Variants in TPRG1 observed in about 807,000 individuals in gnomAD.
The protein encoded by TPRG1 is tumor protein p63 regulated 1.
TPRG1 carries 29 observed loss-of-function variants against 29.3 expected under a neutral mutation model. The observed-to-expected ratio is 0.99, with a 90% CI of 0.74 to 1.35. The LOEUF (loss-of-function observed/expected upper bound fraction) is 1.35. Ranked by LOEUF, TPRG1 falls within the 40% of genes most tolerant of loss-of-function variation. The pLI is 0.00. For synonymous variants in TPRG1, 130 were observed against 116.8 expected (o/e 1.11, Z -0.73); for missense variants, 327 against 335.0 (o/e 0.98, Z 0.19).
chr3:189,255,682 T>C (rs542323467), intron 4 of TPRG1, among the ~76,000 whole-genome samples: 53 of 152,328 alleles, frequency 3.5e-4, no homozygotes, highest in African/African-American at 1.3e-3. Flanking sequence ...AAGTCATTAA[T>C]TACTGCCTCA....
In TPRG1 at chr3:189,007,982, G is replaced by A. The variant is rs953152218; in HGVS notation, c.-660+3222G>A. Reference sequence around the variant, plus strand: ...TTAGCGGGTGCAGCGCACCAGCATGGCACATGTATACATATGTAACTAACC... The same window carrying A: ...TTAGCGGGTGCAGCGCACCAGCATGACACATGTATACATATGTAACTAACC... On this transcript the variant is annotated intron_variant, in intron 3 of 10. Coordinates refer to the TPRG1 transcript ENST00000433971. Among the ~76,000 whole-genome samples the A allele has an allele frequency of 1.1e-4, 17 of 149,228 alleles. No homozygotes were observed. The East Asian group carries it at 2.4e-3, about 21-fold the overall frequency.
At chr3:189,023,450 T>C (rs571433561) in intron 3 of TPRG1, among the ~76,000 whole-genome samples, 1 of 152,350 alleles carries the variant, frequency 6.6e-6, no homozygotes, top group African/African-American at 2.4e-5. Context: ...GCATGCTCCT[T>C]TAACTTAGCG....
chr3:189,111,235 T>G (rs904325627), intron 1 of TPRG1, among the ~76,000 whole-genome samples: 1 of 152,038 alleles, frequency 6.6e-6, no homozygotes, highest in Non-Finnish European at 1.5e-5. Context: ...TTTATTTAGG[T>G]CTTCTTTGAT....
In TPRG1 at chr3:189,323,805, C is replaced by T. The variant is rs774421543; in HGVS notation, c.*2985C>T. ...AAGTAGAGTACAAAGCATTTCATAACCAAAATGTCATGGTTGGAGGTCTTC... is the reference window on the plus strand; with the variant it reads ...AAGTAGAGTACAAAGCATTTCATAATCAAAATGTCATGGTTGGAGGTCTTC... On this transcript the variant is annotated 3_prime_UTR_variant, in exon 6 of 6. Transcript: ENST00000345063. 6.6e-6 allele frequency: 1 copy of T among 152,124 alleles called. No individual in the cohort carries two copies. The highest frequency in any genetic ancestry group is 2.4e-5 in the African/African-American group (1 of 41,428). 9.4% of individuals were successfully genotyped at this position (152,124 alleles called of 1,614,324 possible). A position where few individuals can be genotyped will look rare whatever the true frequency, so the allele number is the denominator to read the frequency against.
upstream of TPRG1, among the ~76,000 whole-genome samples, chr3:189,096,579 G>T (rs1207887067): frequency 6.6e-6 from 1 of 152,134 alleles, no homozygotes; most frequent in Non-Finnish European, 1.5e-5. Context: ...GGACTCCTTT[G>T]TGTGCTTTAA....
intron 4 of TPRG1, among the ~76,000 whole-genome samples, chr3:189,086,081 G>A (rs543952465): frequency 1.4e-4 from 21 of 152,250 alleles, no homozygotes; most frequent in African/African-American, 3.9e-4. Flanking sequence ...CAGGGAAGCC[G>A]ACAGTGCAGC....
chr3:189,125,527 G>C (rs1722352916), intron 1 of TPRG1, among the ~76,000 whole-genome samples: 1 of 151,980 alleles, frequency 6.6e-6, no homozygotes, highest in Admixed American at 6.6e-5. Flanking sequence ...CCCCTTTTGA[G>C]GTCCAAAAAG....
At chr3:189,224,251 A>T (rs1421227327) in intron 3 of TPRG1, among the ~76,000 whole-genome samples, 1 of 152,144 alleles carries the variant, frequency 6.6e-6, no homozygotes, top group East Asian at 1.9e-4. Flanking sequence ...GGGAGGCGAA[A>T]GCGGGTGGAT....
intron 4 of TPRG1, among the ~76,000 whole-genome samples, chr3:189,054,772 A>C (rs1052949354): frequency 6.6e-6 from 1 of 152,080 alleles, no homozygotes; most frequent in Non-Finnish European, 1.5e-5. Context: ...AGAGTGAAAC[A>C]CTGTCTCTTA....
intron 4 of TPRG1, among the ~76,000 whole-genome samples, chr3:189,052,059 C>T (rs904861405): frequency 2.0e-5 from 3 of 152,160 alleles, no homozygotes; most frequent in Admixed American, 1.3e-4. Context: ...ACCAAGAACC[C>T]AAAAGCAAAT....
intron 1 of TPRG1, among the ~76,000 whole-genome samples, chr3:189,114,519 G>A (rs1720942834): frequency 6.6e-6 from 1 of 152,144 alleles, no homozygotes. Context: ...CTGACCTCAG[G>A]TGATCTGCCC....
chr3:189,024,110 A>G (rs1368232800), intron 4 of TPRG1, among the ~76,000 whole-genome samples: 1 of 152,258 alleles, frequency 6.6e-6, no homozygotes, highest in East Asian at 1.9e-4. Context: ...ACGTCTAAAC[A>G]GCAAAGGTGG....
chr3:189,287,507 C>T (rs557101816), intron 4 of TPRG1, among the ~76,000 whole-genome samples: 4 of 151,852 alleles, frequency 2.6e-5, no homozygotes, highest in African/African-American at 9.7e-5. Context: ...ATGCCATTCT[C>T]CTGCCTCAGC....
chr3:189,140,307 C>T (rs1018812580), intron 3 of TPRG1, among the ~76,000 whole-genome samples: 1 of 152,184 alleles, frequency 6.6e-6, no homozygotes, highest in Non-Finnish European at 1.5e-5. Flanking sequence ...TGAATCCTGA[C>T]CCCAGCCCTC....
chr3:189,129,746 C>CT (rs1722899677), intron 2 of TPRG1, among the ~76,000 whole-genome samples: 1 of 152,144 alleles, frequency 6.6e-6, no homozygotes, highest in Admixed American at 6.5e-5. Context: ...AAGACTATTG[C>CT]TTTTTTCACT....
rs144897660 is a variant in TPRG1, at chr3:189,204,232, A to G, written c.-9-3144A>G. On this transcript the variant is annotated intron_variant, in intron 1 of 5. Coordinates refer to ENST00000345063, the MANE Select transcript of TPRG1 (RefSeq NM_198485.4). ...GTTTGTTGCAGGGGATGATTGATCT[A>G]TGTGAAAGCAATGGAACATTTGATT... is the stretch of plus-strand genomic sequence containing the variant. Among the ~76,000 whole-genome samples, 322 of 152,290 alleles carry G rather than the reference A, an allele frequency of 2.1e-3. 4 individuals carry two copies. Among genetic ancestry groups the G allele is most frequent in the Admixed American group, 0.015 (226 of 15,282 alleles).
chr3:189,132,587 T>C (rs1723228117), exon 3 of TPRG1: 1 of 152,234 alleles, frequency 6.6e-6, no homozygotes, highest in African/African-American at 2.4e-5. Context: ...GCTTCTGTAC[T>C]TAGCAGCAGT....
chr3:189,126,007 G>A (rs754421719), intron 1 of TPRG1, among the ~76,000 whole-genome samples: 17 of 152,072 alleles, frequency 1.1e-4, no homozygotes, highest in Non-Finnish European at 2.1e-4. Context: ...GTACAAAGTG[G>A]ATTTCTCCCT....
Position 189,242,174 on chromosome 3 carries a change from C to T in TPRG1, c.479+3265C>T, listed in dbSNP as rs190081099. 1.8e-4 allele frequency among the ~76,000 whole-genome samples: 27 copies of T among 152,116 alleles called. No individual in the cohort carries two copies. In the East Asian group the frequency reaches 2.9e-3, roughly 16 times the overall value. ...TATCCAGATGGCAGGCTAGATTTCTCGATATCATATATTTGATATTTTATG... is the reference window on the plus strand; with the variant it reads ...TATCCAGATGGCAGGCTAGATTTCTTGATATCATATATTTGATATTTTATG... On this transcript the variant is annotated intron_variant, in intron 4 of 5. Transcript: ENST00000345063.
Sources: allele counts gnomAD v4.1 joint callset (sites outside exome capture counted in the v4.1 genomes callset), GRCh38; gene constraint gnomAD v4.1.1; transcripts MANE v1.5; gene names NCBI Gene and HGNC (gene_info 2026-07-23, HGNC 2026-07-21).